DNAH8: variants seen among roughly 807,000 people sequenced by gnomAD.
DNAH8 encodes dynein axonemal heavy chain 8.
In DNAH8, 382 loss-of-function variants were observed where a neutral mutation model predicts 562.1. The observed-to-expected ratio is 0.68, with a 90% CI of 0.63 to 0.74. The LOEUF is 0.74. DNAH8 is among the 30% of genes least tolerant of loss of function. The pLI, the probability that DNAH8 is intolerant of heterozygous loss-of-function variation, is 0.00. For missense variants in DNAH8, 5,203 were observed against 5,620.4 expected (o/e 0.93, Z 2.37); for synonymous variants, 1,881 against 1,919.4 (o/e 0.98, Z 0.52).
At chr6:38,822,550 G>T in intron 26 of DNAH8, 1 of 243,766 alleles carries the variant, frequency 4.1e-6, no homozygotes, top group Non-Finnish European at 7.8e-6. Flanking sequence ...TTTCTTAAAG[G>T]ACTTTAACAT....
At chr6:38,957,041 G>A (rs1336444495) in intron 82 of DNAH8, among the ~76,000 whole-genome samples, 4 of 152,106 alleles carry the variant, frequency 2.6e-5, no homozygotes, top group Non-Finnish European at 5.9e-5. Context: ...GCCTACAAGA[G>A]ACTCATTTTA....
chr6:38,838,106 A>G, intron 33 of DNAH8, 64 bp downstream of exon 33: 2 of 1,036,938 alleles, frequency 1.9e-6, no homozygotes, highest in Non-Finnish European at 1.5e-6. Flanking sequence ...TAGAAGAATC[A>G]TGTCACCATT....
intron 53 of DNAH8, among the ~76,000 whole-genome samples, chr6:38,879,219 G>T (rs948120756): frequency 5.3e-5 from 8 of 151,786 alleles, no homozygotes; most frequent in Non-Finnish European, 8.8e-5. Flanking sequence ...TGTACAATAG[G>T]AAGAAACACT....
rs758194866 is a variant in DNAH8 at position 38,973,655 on chromosome 6, A to G, written c.12526-6A>G. 4 of 1,573,622 alleles carry G rather than the reference A, an allele frequency of 2.5e-6. No individual in the cohort carries two copies. The South Asian group carries it at 4.8e-5, about 19-fold the overall frequency. ...GAAATAAATATGAACTTATTTTTGG[A>G]TACAGGGTGGTTGGGTATTACTACA... On this transcript the variant is annotated splice_region_variant and splice_polypyrimidine_tract_variant and intron_variant, in intron 83 of 92. Transcript: ENST00000327475.
intron 87 of DNAH8, among the ~76,000 whole-genome samples, chr6:38,986,044 G>A (rs965210469): frequency 2.0e-5 from 3 of 152,234 alleles, no homozygotes; most frequent in African/African-American, 4.8e-5. Flanking sequence ...GCTCACCCTT[G>A]TGGGGTGCAA....
At chr6:38,937,932 T>G in intron 77 of DNAH8, 42 bp from the exon 78 acceptor site, 24 of 1,601,868 alleles carry the variant, frequency 1.5e-5, no homozygotes, top group Non-Finnish European at 2.0e-5. Context: ...CTTTGCAAGT[T>G]TCCCGTCTTG....
chr6:38,923,902 A>C (rs1781912511), intron 72 of DNAH8, 89 bp from the exon 73 acceptor site: 2 of 1,373,954 alleles, frequency 1.5e-6, no homozygotes, highest in Middle Eastern at 2.0e-4. Flanking sequence ...GAAGGATTTC[A>C]CCCAGTAACA....
chr6:38,865,836 A>C (rs1272201412), intron 45 of DNAH8, among the ~76,000 whole-genome samples: 4 of 152,324 alleles, frequency 2.6e-5, no homozygotes, highest in African/African-American at 9.6e-5. Flanking sequence ...TCCAGCCCCT[A>C]GCAAGGTACC....
intron 41 of DNAH8, 72 bp downstream of exon 41, chr6:38,853,419 T>C: frequency 6.6e-7 from 1 of 1,525,440 alleles, no homozygotes; most frequent in African/African-American, 1.4e-5. Flanking sequence ...TAGCAGGTGG[T>C]TGACCTGATG....
At chr6:38,715,913 AATAAATAAATAAATATATATAT>A (rs1408560093) in intron 1 of DNAH8, among the ~76,000 whole-genome samples, 1 of 43,714 alleles carries the variant, frequency 2.3e-5, no homozygotes, top group African/African-American at 1.6e-4. Context: ...AAAATAAATA[AATAAATAAATAAATATATATAT>A]ATATATATAT....
chr6:38,883,663 G>A lies in DNAH8; in HGVS notation c.8136+207G>A, dbSNP rs552134055. On this transcript the variant is annotated intron_variant, in intron 55 of 92. Transcript: ENST00000327475. ...ACTTTGACCTAATATTGAGACTGCA[G>A]CTGAACTTTGGAGCATATCTACTGT... Among the ~76,000 whole-genome samples, 293 of 152,258 alleles carry A rather than the reference G, an allele frequency of 1.9e-3. 1 individual carries two copies. The highest frequency in any genetic ancestry group is 6.7e-3 in the African/African-American group (279 of 41,554).
chr6:38,727,184 C>A (rs1251878665), intron 3 of DNAH8, among the ~76,000 whole-genome samples: 1 of 152,046 alleles, frequency 6.6e-6, no homozygotes, highest in Non-Finnish European at 1.5e-5. Context: ...TAATGTGAAG[C>A]CTGGCATGCA....
At chr6:38,787,008 T>C in intron 18 of DNAH8, 56 bp downstream of exon 18, 1 of 1,076,744 alleles carries the variant, frequency 9.3e-7, no homozygotes, top group Non-Finnish European at 1.3e-6. Context: ...GTAAAAAAAA[T>C]ATGTATATAT....
chr6:38,984,494 AC>A (rs1764247219), intron 87 of DNAH8, 187 bp downstream of exon 87: 1 of 554,428 alleles, frequency 1.8e-6, no homozygotes, highest in Admixed American at 3.1e-5. Context: ...ACACACACAC[AC>A]AACAACCAGC....
At chr6:38,889,085 A>G (rs773860511) in intron 57 of DNAH8, among the ~76,000 whole-genome samples, 5 of 152,228 alleles carry the variant, frequency 3.3e-5, no homozygotes, top group Non-Finnish European at 5.9e-5. Flanking sequence ...AAATGCTCAT[A>G]GTGCAGCGTA....
At chr6:38,945,262 A>C (rs1275434271) in intron 79 of DNAH8, among the ~76,000 whole-genome samples, 1 of 152,212 alleles carries the variant, frequency 6.6e-6, no homozygotes, top group Non-Finnish European at 1.5e-5. Context: ...TTTATACCTT[A>C]TAAGATGGTA....
chr6:39,008,780 T>A, intron 88 of DNAH8, 34 bp from the exon 89 acceptor site: 1 of 1,420,806 alleles, frequency 7.0e-7, no homozygotes, highest in Non-Finnish European at 9.7e-7. Flanking sequence ...CATGTTTCCC[T>A]GTAACATTCT....
intron 11 of DNAH8, chr6:38,763,236 G>A: frequency 7.7e-6 from 2 of 260,716 alleles, no homozygotes; most frequent in Non-Finnish European, 1.5e-5. Flanking sequence ...TAGTTTCTTT[G>A]AAGTGTTTTT....
intron 33 of DNAH8, 55 bp from the exon 34 acceptor site, chr6:38,842,313 T>A: frequency 7.0e-7 from 1 of 1,432,628 alleles, no homozygotes; most frequent in South Asian, 1.3e-5. Context: ...TTTCCAATAA[T>A]GGACTTTATT....
Sources: allele counts gnomAD v4.1 joint callset (sites outside exome capture counted in the v4.1 genomes callset), GRCh38; gene constraint gnomAD v4.1.1; transcripts MANE v1.5; gene names NCBI Gene and HGNC (gene_info 2026-07-23, HGNC 2026-07-21).